The following GBP7 variants were observed in gnomAD, a reference collection of about 807,000 sequenced individuals.
The protein encoded by GBP7 is guanylate-binding protein 7.
GBP7 carries 43 observed loss-of-function variants against 61.3 expected under a neutral mutation model. The observed-to-expected ratio is 0.70, with a 90% CI of 0.55 to 0.91. The LOEUF (loss-of-function observed/expected upper bound fraction) is 0.91. Among genes scored for constraint, GBP7 ranks in the 40% least tolerant of loss-of-function variants. GBP7 has a pLI of 0.00. For missense variants in GBP7, 717 were observed against 740.5 expected, an observed-to-expected ratio of 0.97 and a Z score of 0.37; for synonymous variants, 267 against 271.0, an observed-to-expected ratio of 0.99 and a Z score of 0.14.
chr1:89,165,498 C>T (rs1352355151), intron 2 of GBP7, among the ~76,000 whole-genome samples: 3 of 57,470 alleles, frequency 5.2e-5, no homozygotes, highest in African/African-American at 3.2e-4. Context: ...GAGACTCCGT[C>T]TCAAAAAAAA....
chr1:89,155,638 G>A (rs1682300871), intron 3 of GBP7, among the ~76,000 whole-genome samples: 1 of 152,142 alleles, frequency 6.6e-6, no homozygotes, highest in Non-Finnish European at 1.5e-5. Context: ...GAAATGAAGT[G>A]AGAAGAGAAG....
intron 10 of GBP7, 67 bp from the exon 11 acceptor site, chr1:89,132,470 C>A: frequency 8.5e-7 from 1 of 1,177,564 alleles, no homozygotes; most frequent in Non-Finnish European, 1.2e-6. Context: ...TTGTATTTAA[C>A]AATTTCATTA....
In GBP7 at chr1:89,175,312, A is replaced by T. The variant is rs542310748; in HGVS notation, c.-20+609T>A. 7.2e-5 allele frequency among the ~76,000 whole-genome samples: 11 copies of T among 152,284 alleles called. No individual in the cohort carries two copies. In the East Asian group the frequency reaches 1.9e-3, roughly 27 times the overall value. ...AAAAAAAGCCGTTTATTTTTCTGTG[A>T]TCATGACCCATTTCCTCTTATAGCA... On this transcript the variant is annotated intron_variant, in intron 1 of 10. Coordinates refer to ENST00000294671, the MANE Select transcript of GBP7 (RefSeq NM_207398.3).
At chr1:89,133,502 A>G (rs1681726272) in intron 9 of GBP7, 51 bp from the exon 10 acceptor site, 2 of 1,494,904 alleles carry the variant, frequency 1.3e-6, no homozygotes, top group Non-Finnish European at 1.9e-6. Context: ...CAGGTGGGAG[A>G]AGAACCATCA....
chr1:89,155,727 CT>C (rs1265811443), intron 3 of GBP7, among the ~76,000 whole-genome samples: 2 of 152,302 alleles, frequency 1.3e-5, no homozygotes, highest in East Asian at 3.9e-4. Context: ...AAATCTCTGT[CT>C]GACTGGTGTA....
In GBP7 at chr1:89,135,810, T is replaced by C. The variant is rs577351271; in HGVS notation, c.1469-2359A>G. ...CAAGTGTGGATCAAATCCACACATA[T>C]CAATATTAACTTTGACTGTAAAAGG... On this transcript the variant is annotated intron_variant, in intron 9 of 10. Coordinates refer to ENST00000294671, the MANE Select transcript of GBP7 (RefSeq NM_207398.3). Among the ~76,000 whole-genome samples, 5 of 152,148 alleles carry C rather than the reference T, an allele frequency of 3.3e-5. No individual in the cohort carries two copies. The South Asian group carries it at 8.3e-4, about 25-fold the overall frequency.
At position 89,150,436 on chromosome 1, in the gene GBP7, G is replaced by T; in HGVS notation, c.765C>A (p.Asp255Glu). Residue 255 changes from aspartate to glutamate, a missense_variant, in exon 6 of 11, where the codon GAC (aspartate) becomes GAA (glutamate). Physicochemically the swap from Asp to Glu is conservative, Grantham distance 45. Coordinates refer to ENST00000294671, the MANE Select transcript of GBP7 (RefSeq NM_207398.3). ...GCATCTGGAAATTACTATCCAGTTG[G>T]TCTTCTCGTACTTCTTCAACATGGA... The part of the protein sequence containing the change: ...LLLHVEEVRE[D>E]QLDSNFQMQS... The T allele has an allele frequency of 6.2e-7, 1 of 1,613,968 alleles. No homozygotes were observed. Among genetic ancestry groups the T allele is most frequent in the Non-Finnish European group, 8.5e-7 (1 of 1,179,882 alleles).
chr1:89,167,194 G>T (rs1647469124), intron 2 of GBP7, among the ~76,000 whole-genome samples: 1 of 152,112 alleles, frequency 6.6e-6, no homozygotes, highest in Admixed American at 6.5e-5. Flanking sequence ...ACCATGCATG[G>T]TATTCACTTG....
At chr1:89,138,429 C>T (rs1177028771) in intron 9 of GBP7, among the ~76,000 whole-genome samples, 1 of 151,934 alleles carries the variant, frequency 6.6e-6, no homozygotes, top group Non-Finnish European at 1.5e-5. Context: ...TACAAGACTA[C>T]AATAACCAAA....
chr1:89,174,295 G>A (rs1332773557), intron 1 of GBP7, among the ~76,000 whole-genome samples: 1 of 152,152 alleles, frequency 6.6e-6, no homozygotes. Context: ...TTGGTCAAAA[G>A]ATGAGAGTAT....
Position 89,149,666 on chromosome 1 carries a change from T to A in GBP7, c.872-94A>T, listed in dbSNP as rs182044014. On this transcript the variant is annotated intron_variant, in intron 6 of 10. Transcript: ENST00000294671. The stretch of plus-strand genomic sequence containing the variant: ...TCAGCATTCTAAAAATCAGAAAAAA[T>A]TCCATTTAACATGAATTTTCCCTCC... 3.6e-6 allele frequency: 4 copies of A among 1,108,510 alleles called. No homozygotes were observed. The African/African-American group carries it at 4.7e-5, about 13-fold the overall frequency. 68.7% of individuals were successfully genotyped at this position (1,108,510 alleles called of 1,614,324 possible).
intron 9 of GBP7, among the ~76,000 whole-genome samples, chr1:89,135,089 G>A (rs1237532549): frequency 6.6e-6 from 1 of 151,770 alleles, no homozygotes; most frequent in Non-Finnish European, 1.5e-5. Context: ...CCAAGATGAG[G>A]AAATAATCTC....
In GBP7 at chr1:89,133,353, A is replaced by G; in HGVS notation, c.1567T>C (p.Phe523Leu). Residue 523 changes from phenylalanine to leucine, a missense_variant, in exon 10 of 11, where the codon TTC (phenylalanine) becomes CTC (leucine). By Grantham distance (22) the Phe-to-Leu change is conservative. Transcript: ENST00000294671. Reference protein sequence around the residue: ...QQMMEAQERSFQENIAQLKKK... With the variant: ...QQMMEAQERSLQENIAQLKKK... ...TTGAGTTGAGCTATGTTTTCCTGGA[A>G]ACTTCTCTCTTGAGCCTCCATCATT... 6.2e-7 allele frequency: 1 copy of G among 1,613,952 alleles called. No individual in the cohort carries two copies.
rs146578676 is a variant in GBP7 at position 89,157,887 on chromosome 1, C to T, written c.319-5110G>A. 3.7e-3 allele frequency among the ~76,000 whole-genome samples: 556 copies of T among 152,214 alleles called. 1 individual carries two copies. The highest frequency in any genetic ancestry group is 0.013 in the African/African-American group (522 of 41,542). On this transcript the variant is annotated intron_variant, in intron 3 of 10. Coordinates refer to ENST00000294671, the MANE Select transcript of GBP7 (RefSeq NM_207398.3). Reference sequence around the variant, plus strand: ...GCCAGCATCATCCTGATACCAAAGCCGGGCAGAGACACAACAGCAAAAAAA... The same window carrying T: ...GCCAGCATCATCCTGATACCAAAGCTGGGCAGAGACACAACAGCAAAAAAA...
At chr1:89,163,227 T>C (rs1166528458) in intron 3 of GBP7, among the ~76,000 whole-genome samples, 1 of 152,140 alleles carries the variant, frequency 6.6e-6, no homozygotes, top group Non-Finnish European at 1.5e-5. Context: ...ATTTTCTCTT[T>C]TGTTGTTGTA....
intron 9 of GBP7, among the ~76,000 whole-genome samples, chr1:89,140,460 G>GAAAA (rs56788095): frequency 1.2e-3 from 176 of 143,772 alleles, no homozygotes; most frequent in Middle Eastern, 7.1e-3. Context: ...AAAAAAAACT[G>GAAAA]AAAAAAAAAA....
At position 89,133,301 on chromosome 1, in the gene GBP7, T is replaced by TTTTCCC. The variant is rs766399440; in HGVS notation, c.1613_1618dup (p.Arg538_Glu539dup). 4 of 1,613,970 alleles carry TTTTCCC rather than the reference T, an allele frequency of 2.5e-6. No homozygotes were observed. The highest frequency in any genetic ancestry group is 2.5e-6 in the Non-Finnish European group (3 of 1,179,988). On this transcript the variant is annotated inframe_insertion, in exon 10 of 11. Coordinates refer to ENST00000294671, the MANE Select transcript of GBP7 (RefSeq NM_207398.3). ...CATCTTTCTCAGTTCTCTCATATAG[T>TTTTCCC]TTTCCCTTTCCCTCTCCATCTTCTT...
chr1:89,175,384 T>G (rs1647714770), intron 1 of GBP7, among the ~76,000 whole-genome samples: 1 of 152,138 alleles, frequency 6.6e-6, no homozygotes, highest in Non-Finnish European at 1.5e-5. Flanking sequence ...AACCAGAAAC[T>G]AAAAAGATTG....
At chr1:89,150,652 T>G in intron 5 of GBP7, 77 bp from the exon 6 acceptor site, 2 of 1,458,450 alleles carry the variant, frequency 1.4e-6, no homozygotes, top group South Asian at 2.5e-5. Flanking sequence ...CCAAAGTTCC[T>G]TCCATCAATC....
Sources: allele counts gnomAD v4.1 joint callset (sites outside exome capture counted in the v4.1 genomes callset), GRCh38; gene constraint gnomAD v4.1.1; transcripts MANE v1.5; gene names NCBI Gene and HGNC (gene_info 2026-07-23, HGNC 2026-07-21).